FDFT1: variants seen among roughly 807,000 people sequenced by gnomAD.
FDFT1 encodes the protein farnesyl-diphosphate farnesyltransferase 1, also known as squalene synthase.
A neutral mutation model predicts 46.8 loss-of-function variants in FDFT1; 68 were observed. The observed-to-expected ratio is 1.45, with a 90% CI of 1.19 to 1.78. FDFT1 has a LOEUF of 1.78. FDFT1 is among the 40% of genes most tolerant of loss of function. The probability of loss-of-function intolerance (pLI) is 0.00; values close to 1 mark genes in which losing one functional copy is unlikely to be tolerated. For missense variants in FDFT1, 928 were observed against 524.4 expected (o/e 1.77, Z -7.52); for synonymous variants, 351 against 185.1 (o/e 1.90, Z -7.28).
Position 11,808,615 on chromosome 8 carries a change from C to G in FDFT1, c.100-179C>G, listed in dbSNP as rs186055179. On this transcript the variant is annotated intron_variant, in intron 1 of 7. Coordinates refer to ENST00000220584, the MANE Select transcript of FDFT1 (RefSeq NM_004462.5). ...GCGCCCAGGGGCCCGGGCGCAGGCACCGCCCCGCGGGGCTGCTGCTTGCCT... is the reference window on the plus strand; with the variant it reads ...GCGCCCAGGGGCCCGGGCGCAGGCAGCGCCCCGCGGGGCTGCTGCTTGCCT... 6,302 of 1,390,718 alleles carry G rather than the reference C, an allele frequency of 4.5e-3. 22 individuals carry two copies. The highest frequency in any genetic ancestry group is 5.1e-3 in the Non-Finnish European group (5,477 of 1,076,596). 86.1% of individuals were successfully genotyped at this position (1,390,718 alleles called of 1,614,324 possible).
chr8:11,801,083 G>A (rs911521967), upstream of FDFT1, among the ~76,000 whole-genome samples: 1 of 152,208 alleles, frequency 6.6e-6, no homozygotes, highest in African/African-American at 2.4e-5. Context: ...GGGTCTAGAT[G>A]AGGTGTGAGC....
In FDFT1 at chr8:11,821,790, C is replaced by T. The variant is rs150867299; in HGVS notation, c.422C>T (p.Thr141Ile). The change falls in exon 4 of 8, where the codon ACA (threonine) becomes ATA (isoleucine). Residue 141 changes from threonine (T) to isoleucine (I), a missense_variant. Coordinates refer to ENST00000220584, the MANE Select transcript of FDFT1 (RefSeq NM_004462.5). The part of the protein sequence containing the change: ...EFRNLAEKYQ[T>I]VIADICRRMG... ...AGAAATCTGGCTGAGAAATACCAAA[C>T]AGTGATTGCCGACATTTGCCGGAGA... 6.2e-7 allele frequency: 1 copy of T among 1,613,586 alleles called. No individual in the cohort carries two copies. The highest frequency in any genetic ancestry group is 2.2e-5 in the East Asian group (1 of 44,870).
In FDFT1 at chr8:11,830,181, A is replaced by G. The variant is rs192025259; in HGVS notation, c.703-63A>G. 1.6e-4 allele frequency: 202 copies of G among 1,301,228 alleles called. 2 individuals are homozygous for G. The African/African-American group carries it at 2.4e-3, about 16-fold the overall frequency. 80.6% of individuals were successfully genotyped at this position (1,301,228 alleles called of 1,614,324 possible). On this transcript the variant is annotated intron_variant, in intron 5 of 7. Transcript: ENST00000220584. ...TTCTTATGCACAAAGACCCTTTAAT[A>G]TTGTTTGTAAATTCTCCCCTATGCA... is the stretch of plus-strand genomic sequence containing the variant.
intron 3 of FDFT1, among the ~76,000 whole-genome samples, chr8:11,812,938 A>G (rs1038058516): frequency 9.2e-5 from 14 of 152,338 alleles, no homozygotes; most frequent in Admixed American, 8.5e-4. Flanking sequence ...AAACGCATTG[A>G]TAGATGATTT....
chr8:11,838,485 T>C lies in FDFT1; in HGVS notation c.1130T>C (p.Ile377Thr). The change falls in exon 8 of 8, where the codon ATT (isoleucine) becomes ACT (threonine). Residue 377 changes from isoleucine (I) to threonine (T), a missense_variant. By Grantham distance (89) the Ile-to-Thr change is moderately conservative (BLOSUM62 -1). Coordinates refer to ENST00000220584, the MANE Select transcript of FDFT1 (RefSeq NM_004462.5). Reference sequence around the variant, plus strand: ...CAGAATCTTCCCAACTGTCAGCTGATTTCCCGAAGCCACTACTCCCCCATC... The same window carrying C: ...CAGAATCTTCCCAACTGTCAGCTGACTTCCCGAAGCCACTACTCCCCCATC... ...RTQNLPNCQL[I>T]SRSHYSPIYL... 1.2e-6 allele frequency: 2 copies of C among 1,605,814 alleles called. No homozygotes were observed. Among genetic ancestry groups the C allele is most frequent in the Non-Finnish European group, 1.7e-6 (2 of 1,174,884 alleles).
upstream of FDFT1, among the ~76,000 whole-genome samples, chr8:11,800,768 G>A (rs529209607): frequency 7.2e-5 from 11 of 152,334 alleles, no homozygotes; most frequent in East Asian, 1.9e-3. Flanking sequence ...GCTTCTAAGA[G>A]AAGTTACTAT....
At chr8:11,823,920 T>G (rs1809604925) in intron 4 of FDFT1, among the ~76,000 whole-genome samples, 2 of 152,038 alleles carry the variant, frequency 1.3e-5, no homozygotes, top group South Asian at 2.1e-4. Flanking sequence ...ATTTTTGTAA[T>G]TTTTTGGTAG....
chr8:11,822,979 C>T (rs1809468038), intron 4 of FDFT1, among the ~76,000 whole-genome samples: 1 of 152,120 alleles, frequency 6.6e-6, no homozygotes, highest in Non-Finnish European at 1.5e-5. Flanking sequence ...TTTTTTGAGA[C>T]AGGGTCTTGC....
chr8:11,835,315 G>A lies in FDFT1; in HGVS notation c.1033-3073G>A, dbSNP rs75256253. Among the ~76,000 whole-genome samples, 390 of 152,262 alleles carry A rather than the reference G, an allele frequency of 2.6e-3. 5 individuals are homozygous for A. Among genetic ancestry groups the A allele is most frequent in the African/African-American group, 9.0e-3 (375 of 41,552 alleles). On this transcript the variant is annotated intron_variant, in intron 7 of 7. Transcript: ENST00000220584. ...GGAGAGTGGGGTTTGGTCTAGCAACGAAGCATCTAGAAGGTCCCTTTGGCC... is the reference window on the plus strand; with the variant it reads ...GGAGAGTGGGGTTTGGTCTAGCAACAAAGCATCTAGAAGGTCCCTTTGGCC...
intron 3 of FDFT1, among the ~76,000 whole-genome samples, chr8:11,819,487 A>G (rs7008990): frequency 0.21 from 32,324 of 151,988 alleles, 4,445 homozygotes; most frequent in African/African-American, 0.4. Context: ...AGGTACAACA[A>G]TCATAGCATT....
intron 7 of FDFT1, among the ~76,000 whole-genome samples, chr8:11,837,512 A>G (rs143612606): frequency 6.6e-6 from 1 of 152,310 alleles, no homozygotes; most frequent in African/African-American, 2.4e-5. Context: ...GATTCCAAAC[A>G]TGAGCCACTG....
At chr8:11,803,218 G>C in intron 1 of FDFT1, 1 of 1,407,456 alleles carries the variant, frequency 7.1e-7, no homozygotes, top group Non-Finnish European at 9.4e-7. Flanking sequence ...GAGCATCGGC[G>C]CTTACCGGTA....
chr8:11,825,971 C>G (rs1809914461), intron 4 of FDFT1, 53 bp from the exon 5 acceptor site: 1 of 1,311,678 alleles, frequency 7.6e-7, no homozygotes, highest in Non-Finnish European at 1.0e-6. Flanking sequence ...TCTAGTGTGT[C>G]CATTTCAGTA....
At chr8:11,808,751 C>A in intron 1 of FDFT1, 43 bp from the exon 2 acceptor site, 1 of 1,602,024 alleles carries the variant, frequency 6.2e-7, no homozygotes. Context: ...CCCACTCCTG[C>A]TCCTCGACGT....
chr8:11,821,553 T>C (rs1360995511), intron 3 of FDFT1, among the ~76,000 whole-genome samples, 197 bp from the exon 4 acceptor site: 2 of 152,204 alleles, frequency 1.3e-5, no homozygotes, highest in African/African-American at 2.4e-5. Context: ...ATCGTGCCAT[T>C]GCACTCCAGC....
chr8:11,814,248 T>G (rs1208296238), intron 3 of FDFT1, among the ~76,000 whole-genome samples: 2 of 151,722 alleles, frequency 1.3e-5, no homozygotes, highest in African/African-American at 4.8e-5. Context: ...ACAGCTGTTG[T>G]GCAAAGAAAA....
chr8:11,825,065 G>C (rs1358550335), intron 4 of FDFT1, among the ~76,000 whole-genome samples: 1 of 152,154 alleles, frequency 6.6e-6, no homozygotes, highest in Non-Finnish European at 1.5e-5. Flanking sequence ...ACCGTGTCAA[G>C]AACATAAAAT....
intron 1 of FDFT1, chr8:11,803,843 C>T (rs1288570080): frequency 6.4e-6 from 1 of 156,262 alleles, no homozygotes; most frequent in African/African-American, 2.4e-5. Flanking sequence ...GTAGACTACA[C>T]CCTCATTTGG....
At chr8:11,813,689 T>C (rs1425850315) in intron 3 of FDFT1, among the ~76,000 whole-genome samples, 1 of 152,220 alleles carries the variant, frequency 6.6e-6, no homozygotes, top group Non-Finnish European at 1.5e-5. Context: ...ATTTGGCCTT[T>C]CTCCATTATC....
Sources: gnomAD v4.1 joint callset for allele counts (sites outside exome capture counted in the v4.1 genomes callset) on GRCh38, gnomAD v4.1.1 for gene constraint, MANE v1.5 for transcripts, NCBI Gene and HGNC (gene_info 2026-07-23, HGNC 2026-07-21) for gene names.